C12orf56: variants seen among roughly 807,000 people sequenced by gnomAD.
C12orf56 encodes chromosome 12 open reading frame 56.
C12orf56 carries 71 observed loss-of-function variants against 69.9 expected under a neutral mutation model. That is an observed-to-expected ratio of 1.02 (90% CI 0.84 to 1.24). The LOEUF (loss-of-function observed/expected upper bound fraction) is 1.24, where lower values mean the gene tolerates loss of function less well. Among genes scored for constraint, C12orf56 ranks in the 50% most tolerant of loss-of-function variants. The pLI, the probability that C12orf56 is intolerant of heterozygous loss-of-function variation, is 0.00. For synonymous variants in C12orf56, 276 were observed against 274.1 expected (o/e 1.01, Z -0.07); for missense variants, 732 against 738.5 (o/e 0.99, Z 0.10).
At chr12:64,385,657 C>T (rs911496508) in intron 1 of C12orf56, among the ~76,000 whole-genome samples, 1 of 152,090 alleles carries the variant, frequency 6.6e-6, no homozygotes, top group African/African-American at 2.4e-5. Flanking sequence ...AAGAGGACAG[C>T]TTCCATACCC....
rs151130670 is a variant in C12orf56 at position 64,357,823 on chromosome 12, C to T, written c.253-4767G>A. 3.9e-3 allele frequency among the ~76,000 whole-genome samples: 591 copies of T among 152,042 alleles called. 4 individuals are homozygous for T. Among genetic ancestry groups the T allele is most frequent in the African/African-American group, 0.014 (561 of 41,476 alleles). ...GGCTGAGGCAGAAGAATCGCTTGAA[C>T]CTGGAGACAGAGGCTGCAGTGAGCC... On this transcript the variant is annotated intron_variant, in intron 1 of 12. Transcript: ENST00000543942.
chr12:64,284,110 C>A (rs1255902566), intron 8 of C12orf56, among the ~76,000 whole-genome samples: 1 of 152,078 alleles, frequency 6.6e-6, no homozygotes, highest in Non-Finnish European at 1.5e-5. Context: ...GTTGGTCAGG[C>A]TGGTCACAAA....
intron 2 of C12orf56, among the ~76,000 whole-genome samples, chr12:64,347,442 C>A (rs944951425): frequency 3.3e-5 from 5 of 151,988 alleles, no homozygotes; most frequent in African/African-American, 1.2e-4. Flanking sequence ...CATGCCACCA[C>A]GCCTGGCTAA....
At chr12:64,306,099 C>G (rs1171377172) in intron 5 of C12orf56, among the ~76,000 whole-genome samples, 4 of 152,044 alleles carry the variant, frequency 2.6e-5, no homozygotes, top group African/African-American at 9.7e-5. Flanking sequence ...CAGAAAACAG[C>G]ATACTAATCT....
intron 5 of C12orf56, among the ~76,000 whole-genome samples, chr12:64,309,217 AC>A (rs1490555574): frequency 2.0e-5 from 3 of 152,202 alleles, no homozygotes; most frequent in Non-Finnish European, 4.4e-5. Flanking sequence ...TACAAGTATC[AC>A]CACTATCCAT....
chr12:64,348,495 G>A (rs996581653), intron 2 of C12orf56, among the ~76,000 whole-genome samples: 1 of 152,108 alleles, frequency 6.6e-6, no homozygotes, highest in African/African-American at 2.4e-5. Flanking sequence ...AACATCAAGT[G>A]CTTTAACACT....
At chr12:64,270,765 C>T in intron 11 of C12orf56, 51 bp from the exon 12 acceptor site, 3 of 1,465,686 alleles carry the variant, frequency 2.0e-6, no homozygotes, top group Non-Finnish European at 2.8e-6. Flanking sequence ...CCCACAAAAG[C>T]AACTATTTCA....
At chr12:64,371,194 G>A (rs1398803856) in intron 1 of C12orf56, among the ~76,000 whole-genome samples, 2 of 151,996 alleles carry the variant, frequency 1.3e-5, no homozygotes, top group Non-Finnish European at 2.9e-5. Context: ...CTGAGGTCAG[G>A]AGTTTGAGAC....
At chr12:64,331,968 A>G (rs2038936336) in intron 2 of C12orf56, among the ~76,000 whole-genome samples, 4 of 151,846 alleles carry the variant, frequency 2.6e-5, no homozygotes, top group African/African-American at 9.7e-5. Context: ...AAAAGAAGGA[A>G]AAAAAGACTT....
chr12:64,283,646 CTT>C (rs57539069), intron 8 of C12orf56, among the ~76,000 whole-genome samples: 60 of 138,768 alleles, frequency 4.3e-4, no homozygotes, highest in African/African-American at 1.4e-3. Context: ...GCTTCTCTCT[CTT>C]TTTTTTTTTT....
chr12:64,354,669 G>A (rs2039281129), intron 1 of C12orf56, among the ~76,000 whole-genome samples: 1 of 151,264 alleles, frequency 6.6e-6, no homozygotes, highest in South Asian at 2.1e-4. Context: ...ATGTTGGCCA[G>A]GCTGGTCTCG....
intron 5 of C12orf56, among the ~76,000 whole-genome samples, chr12:64,312,388 C>G (rs140456136): frequency 1.3e-5 from 2 of 152,154 alleles, no homozygotes; most frequent in South Asian, 4.1e-4. Context: ...AGGAGGATCA[C>G]CTGAGGTCAG....
intron 8 of C12orf56, among the ~76,000 whole-genome samples, chr12:64,282,041 G>A (rs1485453437): frequency 3.3e-5 from 5 of 152,118 alleles, no homozygotes; most frequent in African/African-American, 9.7e-5. Context: ...TTAGGGAAAC[G>A]GCAGTACTAC....
chr12:64,316,902 T>C (rs1035566476), intron 4 of C12orf56, among the ~76,000 whole-genome samples: 1 of 152,178 alleles, frequency 6.6e-6, no homozygotes, highest in Admixed American at 6.5e-5. Flanking sequence ...AGGTAATGAG[T>C]CCGCCAATCT....
intron 3 of C12orf56, among the ~76,000 whole-genome samples, chr12:64,324,318 C>T (rs1215232825): frequency 6.6e-6 from 1 of 152,180 alleles, no homozygotes; most frequent in African/African-American, 2.4e-5. Context: ...AGACAATAAG[C>T]AATGAACATG....
intron 2 of C12orf56, among the ~76,000 whole-genome samples, chr12:64,335,613 C>A (rs935447453): frequency 6.6e-6 from 1 of 152,128 alleles, no homozygotes; most frequent in African/African-American, 2.4e-5. Flanking sequence ...AGGAGGATTG[C>A]TCAAGGCCAG....
intron 6 of C12orf56, among the ~76,000 whole-genome samples, chr12:64,293,984 C>G (rs534044123): frequency 4.6e-5 from 7 of 152,302 alleles, no homozygotes; most frequent in South Asian, 4.1e-4. Flanking sequence ...ACTCTTCAAA[C>G]TGTATCTTTA....
intron 3 of C12orf56, among the ~76,000 whole-genome samples, chr12:64,326,561 C>A (rs1379360788): frequency 6.6e-6 from 1 of 151,828 alleles, no homozygotes; most frequent in Non-Finnish European, 1.5e-5. Context: ...ATGGTGAAAC[C>A]CCGTCCCTAC....
At chr12:64,287,254 A>AG in intron 6 of C12orf56, among the ~76,000 whole-genome samples, 3 of 144,186 alleles carry the variant, frequency 2.1e-5, no homozygotes, top group African/African-American at 7.6e-5. Context: ...AAAAAAAAAA[A>AG]AAAAAAAAAG....
Sources: allele counts gnomAD v4.1 joint callset (sites outside exome capture counted in the v4.1 genomes callset), GRCh38; gene constraint gnomAD v4.1.1; transcripts MANE v1.5; gene names NCBI Gene and HGNC (gene_info 2026-07-23, HGNC 2026-07-21).